SLC22A17: variants seen among roughly 807,000 people sequenced by gnomAD.
The protein encoded by SLC22A17 is solute carrier family 22 member 17.
A neutral mutation model predicts 53.6 loss-of-function variants in SLC22A17; 38 were observed. The ratio of observed to expected loss-of-function variants is 0.71; its 90% CI spans 0.55 to 0.93. The LOEUF is 0.93. Ranked by LOEUF, SLC22A17 falls within the 40% of genes least tolerant of loss-of-function variation. SLC22A17 has a pLI of 0.00. For missense variants in SLC22A17, 704 were observed against 791.0 expected, an observed-to-expected ratio of 0.89 and a Z score of 1.32; for synonymous variants, 379 against 353.0, an observed-to-expected ratio of 1.07 and a Z score of -0.82.
Position 23,347,905 on chromosome 14 carries a change from G to A in SLC22A17, c.1263C>T (p.Ile421=). ...CCCAGGCTCACTTGGTGAAGCCCAG[G>A]ATAAGCAGATTTTTCCAGATGTTGC... is the stretch of plus-strand genomic sequence containing the variant. Residue 421 remains isoleucine, a synonymous_variant, in exon 7 of 10, where the codon ATC becomes ATT. Transcript: ENST00000397267. This position sits in a 1 kb window ranked among gnomAD's most constrained non-coding sequence, Gnocchi z 5.1. 6.2e-7 allele frequency: 1 copy of A among 1,614,190 alleles called. No individual in the cohort carries two copies. The highest frequency in any genetic ancestry group is 1.1e-5 in the South Asian group (1 of 91,084).
intron 3 of SLC22A17, 62 bp from the exon 4 acceptor site, chr14:23,349,488 A>T: frequency 6.5e-7 from 1 of 1,547,594 alleles, no homozygotes. Context: ...GTTGCTGGGT[A>T]AGACCCAGCT....
At position 23,347,061 on chromosome 14, in the gene SLC22A17, G is replaced by A. The variant is rs770559472; in HGVS notation, c.1661+40C>T. On this transcript the variant is annotated intron_variant, in intron 9 of 9. Coordinates refer to ENST00000397267, the Ensembl canonical transcript of SLC22A17. This position sits in a 1 kb window ranked among gnomAD's most constrained non-coding sequence, Gnocchi z 5.1. ...GGTGGGGTGGGGGAGCGGGAGGCGA[G>A]GGGGCCCGGCTCTGCCCCTGGGGGC... is the stretch of plus-strand genomic sequence containing the variant. The A allele has an allele frequency of 1.9e-6, 3 of 1,570,658 alleles. No homozygotes were observed. The highest frequency in any genetic ancestry group is 1.3e-5 in the African/African-American group (1 of 74,088).
chr14:23,348,259 C>T lies in SLC22A17; in HGVS notation c.1073G>A (p.Arg358Gln), dbSNP rs747723533. The change falls in exon 6 of 10, where the codon CGG becomes CAG. Residue 358 changes from arginine to glutamine, a missense_variant. By Grantham distance (43) the Arg-to-Gln change is conservative. Coordinates refer to ENST00000397267, the Ensembl canonical transcript of SLC22A17. The surrounding 1 kb of genome is among the most constrained non-coding windows in gnomAD (Gnocchi z 4.5). The stretch of plus-strand genomic sequence containing the variant: ...CACAGACTGAGCCTCCTCAATCTGC[C>T]GCTTCACTATCAGCCACCGTGCGGA... 40 of 1,613,994 alleles carry T rather than the reference C, an allele frequency of 2.5e-5. No homozygotes were observed. The highest frequency in any genetic ancestry group is 8.0e-5 in the African/African-American group (6 of 74,938).
rs1889692556 is a variant in SLC22A17, at chr14:23,352,296, G to A, written c.252C>T (p.Leu84=). 1 of 1,397,624 alleles carries A rather than the reference G, an allele frequency of 7.2e-7. No homozygotes were observed. Among genetic ancestry groups the A allele is most frequent in the Non-Finnish European group, 9.3e-7 (1 of 1,076,252 alleles). 86.6% of individuals were successfully genotyped at this position (1,397,624 alleles called of 1,614,324 possible). The change falls in exon 2 of 10, where the codon CTC becomes CTT. Residue 84 remains leucine, a synonymous_variant. Coordinates refer to ENST00000397267, the Ensembl canonical transcript of SLC22A17. The surrounding 1 kb of genome is among the most constrained non-coding windows in gnomAD (Gnocchi z 7.2). ...CGCCGCCCAGCGCCCCCACCTGGGC[G>A]AGCAGCGCCTCAAAGCTGAGGGGGC... is the stretch of plus-strand genomic sequence containing the variant.
chr14:23,352,070 T>C lies in SLC22A17; in HGVS notation c.478A>G (p.Ser160Gly), dbSNP rs760785974. The C allele has an allele frequency of 1.9e-6, 3 of 1,598,480 alleles. No homozygotes were observed. Among genetic ancestry groups the C allele is most frequent in the Middle Eastern group, 3.3e-4 (2 of 6,034 alleles). The change falls in exon 2 of 10, where the codon AGC becomes GGC. Residue 160 changes from serine to glycine, a missense_variant. Physicochemically the swap from Ser to Gly is moderately conservative, Grantham distance 56. Coordinates refer to ENST00000397267, the Ensembl canonical transcript of SLC22A17. The surrounding 1 kb of genome is among the most constrained non-coding windows in gnomAD (Gnocchi z 7.2). ...GGGTCGGTACTGGTGGCGACACGGCTGGCGGCGCTGGCTGCTAGGGCAGCG... is the reference window on the plus strand; with the variant it reads ...GGGTCGGTACTGGTGGCGACACGGCCGGCGGCGCTGGCTGCTAGGGCAGCG...
chr14:23,348,134 A>T lies in SLC22A17; in HGVS notation c.1171+27T>A, dbSNP rs1483334534. 7 of 1,613,414 alleles carry T rather than the reference A, an allele frequency of 4.3e-6. No individual in the cohort carries two copies. Among genetic ancestry groups the T allele is most frequent in the Non-Finnish European group, 5.9e-6 (7 of 1,179,700 alleles). ...CACCATCATGTGTGCAAGTGAGGCA[A>T]CACTCACAGGGATCCCTGTCTCTTA... On this transcript the variant is annotated intron_variant, in intron 6 of 9. Transcript: ENST00000397267. The surrounding 1 kb of genome is among the most constrained non-coding windows in gnomAD (Gnocchi z 4.5).
At position 23,347,949 on chromosome 14, in the gene SLC22A17, C is replaced by G. The variant is rs914728410; in HGVS notation, c.1219G>C (p.Ala407Pro). Residue 407 changes from alanine to proline, a missense_variant, in exon 7 of 10, where the codon GCT becomes CCT. Coordinates refer to ENST00000397267, the Ensembl canonical transcript of SLC22A17. This position sits in a 1 kb window ranked among gnomAD's most constrained non-coding sequence, Gnocchi z 5.1. Reference sequence around the variant, plus strand: ...ATGTTGCGGTAGTTGAGGAGGGAAGCAAAGGAAAAGGAGGATGTTGCAGGG... The same window carrying G: ...ATGTTGCGGTAGTTGAGGAGGGAAGGAAAGGAAAAGGAGGATGTTGCAGGG... 1 of 1,614,104 alleles carries G rather than the reference C, an allele frequency of 6.2e-7. No homozygotes were observed. Among genetic ancestry groups the G allele is most frequent in the Admixed American group, 1.7e-5 (1 of 60,014 alleles).
chr14:23,349,444 C>A lies in SLC22A17; in HGVS notation c.705-18G>T. ...GGCCAAATCTAGAAAGTGGGAAGGG[C>A]TTCTGGTCACCCAGACTCTCTGGTG... On this transcript the variant is annotated intron_variant, in intron 3 of 9. Coordinates refer to ENST00000397267, the Ensembl canonical transcript of SLC22A17. The A allele has an allele frequency of 6.2e-7, 1 of 1,605,210 alleles. No individual in the cohort carries two copies. The highest frequency in any genetic ancestry group is 8.5e-7 in the Non-Finnish European group (1 of 1,175,662).
In SLC22A17 at chr14:23,348,890, C is replaced by T. The variant is rs542818987; in HGVS notation, c.860-219G>A. ...GCTCAAACCTAGGAGGGCTCTAGGG[C>T]CAGAGTCCTGGGTGAGTGTTCAACA... On this transcript the variant is annotated intron_variant, in intron 4 of 9. Coordinates refer to ENST00000397267, the Ensembl canonical transcript of SLC22A17. This position sits in a 1 kb window ranked among gnomAD's most constrained non-coding sequence, Gnocchi z 4.5. 36 of 607,042 alleles carry T rather than the reference C, an allele frequency of 5.9e-5. No individual in the cohort carries two copies. The East Asian group carries it at 9.4e-4, about 16-fold the overall frequency. The allele number at this position is 607,042 out of a possible 1,614,324, so 37.6% of individuals were successfully genotyped here.
chr14:23,349,365 C>T (rs1889475280), exon 4 of SLC22A17: 1 of 1,614,020 alleles, frequency 6.2e-7, no homozygotes, highest in African/African-American at 1.3e-5. Flanking sequence ...GCAGCAGCCC[C>T]TCCTACTCCA....
chr14:23,348,098 C>T lies in SLC22A17; in HGVS notation c.1171+63G>A, dbSNP rs1025564935. 20 of 1,609,210 alleles carry T rather than the reference C, an allele frequency of 1.2e-5. No individual in the cohort carries two copies. Among genetic ancestry groups the T allele is most frequent in the Non-Finnish European group, 1.5e-5 (18 of 1,176,390 alleles). ...TGGGAGAAGGTGGCACAGCTACAGCCATGCAGAGGGCACCATCATGTGTGC... is the reference window on the plus strand; with the variant it reads ...TGGGAGAAGGTGGCACAGCTACAGCTATGCAGAGGGCACCATCATGTGTGC... On this transcript the variant is annotated intron_variant, in intron 6 of 9. Transcript: ENST00000397267. The surrounding 1 kb of genome is among the most constrained non-coding windows in gnomAD (Gnocchi z 4.5).
In SLC22A17 at chr14:23,348,412, G is replaced by C. The variant is rs1783554486; in HGVS notation, c.1025+94C>G. ...CTGGGGCTGGGGTAGGCCTGGACCA[G>C]GGGTAGTTGGAGAAGAGGAGGGGTC... On this transcript the variant is annotated intron_variant, in intron 5 of 9. Coordinates refer to ENST00000397267, the Ensembl canonical transcript of SLC22A17. This position sits in a 1 kb window ranked among gnomAD's most constrained non-coding sequence, Gnocchi z 4.5. The C allele has an allele frequency of 6.3e-7, 1 of 1,582,800 alleles. No homozygotes were observed. Among genetic ancestry groups the C allele is most frequent in the African/African-American group, 1.3e-5 (1 of 74,374 alleles).
chr14:23,349,970 G>A (rs1566482129), intron 3 of SLC22A17, among the ~76,000 whole-genome samples: 1 of 152,120 alleles, frequency 6.6e-6, no homozygotes, highest in Non-Finnish European at 1.5e-5. Context: ...TGGAGATGAG[G>A]CCATTGTTCC....
At chr14:23,346,507 G>A (rs1212132606) in exon 10 of SLC22A17, 12 of 1,067,220 alleles carry the variant, frequency 1.1e-5, no homozygotes, top group Admixed American at 3.1e-5. Flanking sequence ...GGGTGGGGAC[G>A]GCCCTCTGAG....
Position 23,347,843 on chromosome 14 carries a change from C to T in SLC22A17, c.1277+48G>A. ...CCCGGGCCTTCCCACCCAGCCAGCC[C>T]CCATTCCAGCTACTGGCCTGGCCCT... is the stretch of plus-strand genomic sequence containing the variant. On this transcript the variant is annotated intron_variant, in intron 7 of 9. Coordinates refer to ENST00000397267, the Ensembl canonical transcript of SLC22A17. The surrounding 1 kb of genome is among the most constrained non-coding windows in gnomAD (Gnocchi z 5.1). 1 of 1,612,736 alleles carries T rather than the reference C, an allele frequency of 6.2e-7. No homozygotes were observed. Among genetic ancestry groups the T allele is most frequent in the South Asian group, 1.1e-5 (1 of 91,034 alleles).
In SLC22A17 at chr14:23,351,740, G is replaced by A; in HGVS notation, c.704+12C>T. On this transcript the variant is annotated intron_variant, in intron 3 of 9. Coordinates refer to ENST00000397267, the Ensembl canonical transcript of SLC22A17. ...TCCTTTCTACCAGCCCTGCCCCCACGACAGCCCTCACCTGTCTGCGGGGTA... is the reference window on the plus strand; with the variant it reads ...TCCTTTCTACCAGCCCTGCCCCCACAACAGCCCTCACCTGTCTGCGGGGTA... The A allele has an allele frequency of 5.6e-6, 9 of 1,608,394 alleles. No individual in the cohort carries two copies. Among genetic ancestry groups the A allele is most frequent in the Non-Finnish European group, 6.8e-6 (8 of 1,177,724 alleles).
chr14:23,350,171 G>T (rs1306360325), intron 3 of SLC22A17, among the ~76,000 whole-genome samples: 1 of 152,132 alleles, frequency 6.6e-6, no homozygotes, highest in East Asian at 1.9e-4. Context: ...AGGTGTGGTG[G>T]CAGGTGCCTG....
chr14:23,346,749 G>A, exon 10 of SLC22A17: 2 of 1,544,212 alleles, frequency 1.3e-6, no homozygotes, highest in Non-Finnish European at 1.7e-6. Flanking sequence ...TCCCCGTCCC[G>A]GAGCACCTCG....
Position 23,352,265 on chromosome 14 carries a change from G to T in SLC22A17, c.283C>A (p.Gln95Lys). 1 of 1,420,500 alleles carries T rather than the reference G, an allele frequency of 7.0e-7. No individual in the cohort carries two copies. The allele number at this position is 1,420,500 out of a possible 1,614,324, so 88.0% of individuals were successfully genotyped here. The change falls in exon 2 of 10, where the codon CAG becomes AAG. Residue 95 changes from glutamine (Q) to lysine (K), a missense_variant. Gln to Lys is a moderately conservative substitution (Grantham distance 53). Transcript: ENST00000397267. The surrounding 1 kb of genome is among the most constrained non-coding windows in gnomAD (Gnocchi z 7.2). ...AGGCAGCAGAGGCCGAGCTGCAGCT[G>T]CTGGCCGCCGCCCAGCGCCCCCACC...
Sources: allele counts gnomAD v4.1 joint callset (sites outside exome capture counted in the v4.1 genomes callset), GRCh38; gene constraint gnomAD v4.1.1; non-coding constraint Gnocchi (gnomAD v3.1); transcripts MANE v1.5; gene names NCBI Gene and HGNC (gene_info 2026-07-23, HGNC 2026-07-21).